COL15A1: variants seen among roughly 807,000 people sequenced by gnomAD.
COL15A1 encodes collagen alpha-1(XV) chain.
Under a neutral mutation model 165.9 loss-of-function variants are expected in COL15A1, and 111 were observed. That is an observed-to-expected ratio of 0.67 (90% confidence interval 0.57 to 0.78). The LOEUF (loss-of-function observed/expected upper bound fraction) is 0.78, where lower values mean the gene tolerates loss of function less well. COL15A1 is among the 30% of genes least tolerant of loss of function. COL15A1 has a pLI of 0.00. For missense variants in COL15A1, 1,745 were observed against 1,789.7 expected, an observed-to-expected ratio of 0.98 and a Z score of 0.45; for synonymous variants, 659 against 674.8, an observed-to-expected ratio of 0.98 and a Z score of 0.36.
intron 9 of COL15A1, among the ~76,000 whole-genome samples, chr9:99,005,425 G>C (rs576520694): frequency 6.6e-6 from 1 of 152,236 alleles, no homozygotes; most frequent in South Asian, 2.1e-4. Flanking sequence ...GCACGGCCAG[G>C]CCTTCCTAGC....
chr9:99,048,005 G>A lies in COL15A1; in HGVS notation c.2793+5G>A. The A allele has an allele frequency of 6.6e-7, 1 of 1,522,976 alleles. No homozygotes were observed. Among genetic ancestry groups the A allele is most frequent in the Non-Finnish European group, 9.0e-7 (1 of 1,112,426 alleles). 94.3% of individuals were successfully genotyped at this position (1,522,976 alleles called of 1,614,324 possible). A position where few individuals can be genotyped will look rare whatever the true frequency, so the allele number is the denominator to read the frequency against. On this transcript the variant is annotated splice_donor_5th_base_variant and intron_variant, in intron 28 of 41. Transcript: ENST00000375001. Reference sequence around the variant, plus strand: ...GATCCAGGGGTCATTATGCAGGTGAGTCACCCTGGGGATGGAGCCGGAGGT... The same window carrying A: ...GATCCAGGGGTCATTATGCAGGTGAATCACCCTGGGGATGGAGCCGGAGGT...
At position 99,024,999 on chromosome 9, in the gene COL15A1, G is replaced by A. The variant is rs765027218; in HGVS notation, c.1980G>A (p.Pro660=). The A allele has an allele frequency of 3.7e-5, 59 of 1,612,760 alleles. No individual in the cohort carries two copies. In the Admixed American group the frequency reaches 4.5e-4, roughly 12 times the overall value. ...EDGPAGEPGP[P]GPEGQPGVDG... ...GACCTGCTGGTGAACCTGGGCCCCC[G>A]GTGAGCAACTGAAGTCTTCTCCCCA... Residue 660 remains proline (P), a splice_region_variant and synonymous_variant, in exon 15 of 42, where the codon CCG becomes CCA. Transcript: ENST00000375001.
intron 2 of COL15A1, among the ~76,000 whole-genome samples, chr9:98,946,911 T>C (rs534952720): frequency 6.6e-6 from 1 of 152,216 alleles, no homozygotes; most frequent in African/African-American, 2.4e-5. Context: ...TGCTGTATGC[T>C]TAAGTGGGGT....
rs184680175 is a variant in COL15A1, at chr9:99,009,462, T to C, written c.1353+4412T>C. ...ATACTTCCTGTATGATTTTATTATA[T>C]CGAATAAGCCAAATATGTCTCTTTT... On this transcript the variant is annotated intron_variant, in intron 9 of 41. Transcript: ENST00000375001. Among the ~76,000 whole-genome samples, 257 of 152,326 alleles carry C rather than the reference T, an allele frequency of 1.7e-3. 1 individual carries two copies. Among genetic ancestry groups the C allele is most frequent in the African/African-American group, 6.0e-3 (249 of 41,588 alleles).
At chr9:99,024,285 G>GTTTTTTTTTTTTTTTTTTTTTTTTTTT (rs1016769818) in intron 14 of COL15A1, among the ~76,000 whole-genome samples, 1 of 129,478 alleles carries the variant, frequency 7.7e-6, no homozygotes, top group Non-Finnish European at 1.6e-5. Flanking sequence ...TTGTTTTTTT[G>GTTTTTTTTTTTTTTTTTTTTTTTTTTT]TTTTTTTTTT....
chr9:99,013,154 G>C (rs1418082040), intron 9 of COL15A1, among the ~76,000 whole-genome samples: 1 of 152,234 alleles, frequency 6.6e-6, no homozygotes, highest in Admixed American at 6.5e-5. Flanking sequence ...GTTTCTCTCT[G>C]TGTAGTTCTA....
intron 2 of COL15A1, among the ~76,000 whole-genome samples, chr9:98,979,524 A>G (rs1838198605): frequency 6.6e-6 from 1 of 151,606 alleles, no homozygotes; most frequent in Non-Finnish European, 1.5e-5. Context: ...TTCTTTGCCC[A>G]TTTTTCTTTT....
intron 16 of COL15A1, among the ~76,000 whole-genome samples, chr9:99,029,000 G>T (rs1299929640): frequency 1.3e-5 from 2 of 152,184 alleles, no homozygotes; most frequent in Non-Finnish European, 2.9e-5. Context: ...GAAGGAATGG[G>T]TGAGGAGTAG....
intron 2 of COL15A1, among the ~76,000 whole-genome samples, chr9:98,956,244 G>A (rs1245844099): frequency 2.0e-5 from 3 of 152,128 alleles, no homozygotes; most frequent in Non-Finnish European, 2.9e-5. Context: ...AGGCAGAGGT[G>A]GCAGTGAGCC....
chr9:98,984,638 G>A (rs1339569164), intron 2 of COL15A1, among the ~76,000 whole-genome samples: 1 of 152,140 alleles, frequency 6.6e-6, no homozygotes, highest in African/African-American at 2.4e-5. Context: ...GAATGTGGAT[G>A]ATGATGGCGG....
At chr9:99,045,468 C>A (rs761994473) in intron 26 of COL15A1, among the ~76,000 whole-genome samples, 1 of 152,256 alleles carries the variant, frequency 6.6e-6, no homozygotes, top group Non-Finnish European at 1.5e-5. Context: ...GGCCTTACGG[C>A]TCTGGGAATC....
intron 2 of COL15A1, among the ~76,000 whole-genome samples, chr9:98,971,481 G>A (rs958579810): frequency 6.6e-6 from 1 of 152,092 alleles, no homozygotes; most frequent in Non-Finnish European, 1.5e-5. Context: ...GAGAAGAGCT[G>A]ACAACGAAAC....
intron 5 of COL15A1, among the ~76,000 whole-genome samples, chr9:98,989,536 G>A (rs1396766059): frequency 6.6e-6 from 1 of 152,198 alleles, no homozygotes; most frequent in Non-Finnish European, 1.5e-5. Flanking sequence ...GGAGCCTTGG[G>A]TAAAAAGCCT....
intron 6 of COL15A1, 134 bp downstream of exon 6, chr9:98,997,215 A>C: frequency 9.1e-7 from 1 of 1,095,758 alleles, no homozygotes; most frequent in South Asian, 2.0e-5. Context: ...GGTGAGAACC[A>C]CCCTCATTTT....
intron 2 of COL15A1, among the ~76,000 whole-genome samples, chr9:98,983,619 C>T (rs1838264640): frequency 6.6e-6 from 1 of 152,162 alleles, no homozygotes; most frequent in Admixed American, 6.5e-5. Context: ...AGGCAGGCTC[C>T]CATGTCAGCC....
chr9:99,065,777 G>A (rs1825882399), intron 39 of COL15A1, among the ~76,000 whole-genome samples: 1 of 151,122 alleles, frequency 6.6e-6, no homozygotes. Context: ...GTGGTGAATG[G>A]AGAAAAATAT....
At chr9:99,060,429 AT>A (rs36003230) in intron 36 of COL15A1, among the ~76,000 whole-genome samples, 2,368 of 129,552 alleles carry the variant, frequency 0.018, 34 homozygotes, top group South Asian at 0.1. Context: ...CACCTGGCTA[AT>A]TTTTTTTTTT....
intron 5 of COL15A1, among the ~76,000 whole-genome samples, chr9:98,993,080 C>T (rs1838475164): frequency 6.6e-6 from 1 of 152,184 alleles, no homozygotes; most frequent in Non-Finnish European, 1.5e-5. Flanking sequence ...AATCCCAGCT[C>T]TGCCACTTAC....
At chr9:98,987,434 G>A in intron 4 of COL15A1, 66 bp downstream of exon 4, 3 of 1,452,468 alleles carry the variant, frequency 2.1e-6, no homozygotes, top group Non-Finnish European at 2.8e-6. Context: ...GGGAGGGCTG[G>A]ATGCCCAGAC....
Sources: allele counts gnomAD v4.1 joint callset (sites outside exome capture counted in the v4.1 genomes callset), GRCh38; gene constraint gnomAD v4.1.1; transcripts MANE v1.5; gene names NCBI Gene and HGNC (gene_info 2026-07-23, HGNC 2026-07-21).